Variants in PHYHD1 observed in about 807,000 individuals in gnomAD.
The protein encoded by PHYHD1 is phytanoyl-CoA dioxygenase domain-containing protein 1.
A neutral mutation model predicts 43.6 loss-of-function variants in PHYHD1; 42 were observed. The ratio of observed to expected loss-of-function variants is 0.96; its 90% CI spans 0.75 to 1.25. PHYHD1 has a LOEUF of 1.25. Among genes scored for constraint, PHYHD1 ranks in the 50% most tolerant of loss-of-function variants. The pLI, the probability that PHYHD1 is intolerant of heterozygous loss-of-function variation, is 0.00. For synonymous variants in PHYHD1, 139 were observed against 143.6 expected, an observed-to-expected ratio of 0.97 and a Z score of 0.23; for missense variants, 342 against 370.8, an observed-to-expected ratio of 0.92 and a Z score of 0.64.
chr9:128,927,012 A>G, intron 3 of PHYHD1, 26 bp from the exon 4 acceptor site: 1 of 1,614,082 alleles, frequency 6.2e-7, no homozygotes, highest in Non-Finnish European at 8.5e-7. Context: ...AGACTGGGGA[A>G]GCCTGAGTCT....
At chr9:128,922,438 AC>A in intron 3 of PHYHD1, 82 bp downstream of exon 3, 3 of 1,477,298 alleles carry the variant, frequency 2.0e-6, no homozygotes, top group Non-Finnish European at 2.7e-6. Flanking sequence ...TGCCCAACCC[AC>A]CCCCTGCCCC....
intron 9 of PHYHD1, chr9:128,938,015 A>G (rs1227322640): frequency 2.2e-6 from 3 of 1,375,664 alleles, no homozygotes; most frequent in African/African-American, 1.5e-5. Context: ...TTAAAAATAT[A>G]GATTTCCTAG....
At position 128,942,026 on chromosome 9, in the gene PHYHD1, A is replaced by C. The variant is rs368094255; in HGVS notation, c.*313A>C. On this transcript the variant is annotated 3_prime_UTR_variant, in exon 13 of 13. Transcript: ENST00000372592. ...TGGTGTTAGTTATCGAATAAAAACG[A>C]CTTCAGAATGCAGCTTCCCTACTGA... 1.2e-4 allele frequency: 55 copies of C among 445,940 alleles called. No individual in the cohort carries two copies. Among genetic ancestry groups the C allele is most frequent in the Non-Finnish European group, 1.9e-4 (47 of 247,180 alleles). The allele number at this position is 445,940 out of a possible 1,614,324, so 27.6% of individuals were successfully genotyped here. A position where few individuals can be genotyped will look rare whatever the true frequency, so the allele number is the denominator to read the frequency against.
At chr9:128,922,393 C>A (rs1564537256) in intron 3 of PHYHD1, 37 bp downstream of exon 3, 2 of 1,544,450 alleles carry the variant, frequency 1.3e-6, no homozygotes, top group Admixed American at 4.0e-5. Flanking sequence ...AGGGTCATGG[C>A]GGGGGGGTCC....
chr9:128,941,655 C>T lies in PHYHD1; in HGVS notation c.831-13C>T. The stretch of plus-strand genomic sequence containing the variant: ...CCTGCACCTCAAGGTTGTTTCTCCT[C>T]TATCCTCTGCAGGCTCCAGCCAACA... On this transcript the variant is annotated splice_polypyrimidine_tract_variant and intron_variant, in intron 12 of 12. Transcript: ENST00000372592. 1 of 1,614,188 alleles carries T rather than the reference C, an allele frequency of 6.2e-7. No homozygotes were observed. The highest frequency in any genetic ancestry group is 2.2e-5 in the East Asian group (1 of 44,892).
In PHYHD1 at chr9:128,936,514, G is replaced by A; in HGVS notation, c.372+11G>A. On this transcript the variant is annotated intron_variant, in intron 7 of 12. Transcript: ENST00000372592. ...TCCTTCAAGGTGCAGGTGAGCAGAG[G>A]TGGGGGTGAGGGCCAGGAGGGTGGG... is the stretch of plus-strand genomic sequence containing the variant. The A allele has an allele frequency of 1.9e-6, 3 of 1,613,718 alleles. 1 individual carries two copies. The South Asian group carries it at 3.3e-5, about 18-fold the overall frequency.
Position 128,942,014 on chromosome 9 carries a change from C to T in PHYHD1, c.*301C>T, listed in dbSNP as rs1841577474. ...CTCTGGTTATTATGGTGTTAGTTAT[C>T]GAATAAAAACGACTTCAGAATGCAG... On this transcript the variant is annotated 3_prime_UTR_variant, in exon 13 of 13. Coordinates refer to ENST00000372592, the MANE Select transcript of PHYHD1 (RefSeq NM_001100876.2). 4.3e-6 allele frequency: 2 copies of T among 468,784 alleles called. No individual in the cohort carries two copies. The highest frequency in any genetic ancestry group is 3.5e-5 in the South Asian group (1 of 28,716). The allele number at this position is 468,784 out of a possible 1,614,324, so 29.0% of individuals were successfully genotyped here.
At position 128,927,036 on chromosome 9, in the gene PHYHD1, A is replaced by G. The variant is rs770623057; in HGVS notation, c.34-2A>G. Reference sequence around the variant, plus strand: ...AAGCCTGAGTCTCAAGCCTGCCTGCAGTTCCAACAGGATGGATTCCTGGTG... The same window carrying G: ...AAGCCTGAGTCTCAAGCCTGCCTGCGGTTCCAACAGGATGGATTCCTGGTG... On this transcript the variant is annotated splice_acceptor_variant, in intron 3 of 12. Transcript: ENST00000372592. LOFTEE classifies it high-confidence loss of function. 2 of 1,614,190 alleles carry G rather than the reference A, an allele frequency of 1.2e-6. No homozygotes were observed. Among genetic ancestry groups the G allele is most frequent in the South Asian group, 2.2e-5 (2 of 91,092 alleles).
intron 6 of PHYHD1, among the ~76,000 whole-genome samples, chr9:128,935,741 A>G (rs1031774302): frequency 6.6e-6 from 1 of 152,016 alleles, no homozygotes; most frequent in Non-Finnish European, 1.5e-5. Flanking sequence ...ATTTCTACTA[A>G]AAATACAATA....
intron 4 of PHYHD1, among the ~76,000 whole-genome samples, chr9:128,932,165 TATTGTTATTA>T (rs1841299856): frequency 8.0e-6 from 1 of 125,040 alleles, no homozygotes; most frequent in African/African-American, 3.3e-5. Flanking sequence ...TTATTATTAT[TATTGTTATTA>T]TTATTATTAT....
At chr9:128,935,479 C>T (rs1841400199) in intron 6 of PHYHD1, among the ~76,000 whole-genome samples, 1 of 149,178 alleles carries the variant, frequency 6.7e-6, no homozygotes, top group South Asian at 2.1e-4. Context: ...AAAAAATTAG[C>T]CGGACCTTGT....
chr9:128,930,745 C>T (rs1280546652), intron 4 of PHYHD1, among the ~76,000 whole-genome samples: 3 of 151,986 alleles, frequency 2.0e-5, no homozygotes, highest in Non-Finnish European at 4.4e-5. Flanking sequence ...GTCAGGAGAT[C>T]GAGACCATCC....
chr9:128,940,594 T>C lies in PHYHD1; in HGVS notation c.587-5T>C. On this transcript the variant is annotated splice_region_variant and splice_polypyrimidine_tract_variant and intron_variant, in intron 10 of 12. Transcript: ENST00000372592. ...GAGTTTAAGGCTCTCCATCTTGGCC[T>C]GCAGGTGGTGTGTCAAGAAGGATGG... 6.2e-7 allele frequency: 1 copy of C among 1,614,112 alleles called. No individual in the cohort carries two copies. The highest frequency in any genetic ancestry group is 8.5e-7 in the Non-Finnish European group (1 of 1,179,986).
chr9:128,938,377 CCT>C (rs1439013829), intron 9 of PHYHD1, among the ~76,000 whole-genome samples: 2 of 152,096 alleles, frequency 1.3e-5, no homozygotes, highest in East Asian at 3.9e-4. Context: ...GGCCCTAGTC[CCT>C]GAGATCTTGA....
intron 3 of PHYHD1, among the ~76,000 whole-genome samples, chr9:128,925,221 TTTTC>T (rs1400514583): frequency 5.9e-5 from 9 of 151,702 alleles, no homozygotes; most frequent in Non-Finnish European, 8.8e-5. Context: ...TTTCTTTTCT[TTTTC>T]TTTCTTTTTT....
intron 4 of PHYHD1, among the ~76,000 whole-genome samples, chr9:128,931,561 G>A (rs1841277152): frequency 6.6e-6 from 1 of 151,748 alleles, no homozygotes; most frequent in South Asian, 2.1e-4. Context: ...GTCTCGCTCT[G>A]TCACCCAAGC....
At chr9:128,941,408 G>A in intron 11 of PHYHD1, 37 bp from the exon 12 acceptor site, 3 of 1,607,120 alleles carry the variant, frequency 1.9e-6, no homozygotes, top group Non-Finnish European at 2.5e-6. Flanking sequence ...GGGGATGTGG[G>A]GCTGGTAGGT....
intron 3 of PHYHD1, among the ~76,000 whole-genome samples, chr9:128,925,347 T>C (rs1841108301): frequency 6.6e-6 from 1 of 151,550 alleles, no homozygotes; most frequent in Non-Finnish European, 1.5e-5. Flanking sequence ...TGCCTCAGCC[T>C]CCCGAGTAGC....
chr9:128,934,058 G>A lies in PHYHD1; in HGVS notation c.316G>A (p.Ala106Thr), dbSNP rs762452242. The A allele has an allele frequency of 6.2e-6, 10 of 1,613,396 alleles. No homozygotes were observed. Among genetic ancestry groups the A allele is most frequent in the Non-Finnish European group, 7.6e-6 (9 of 1,179,620 alleles). ...PEKSINKIGH[A>T]LHAHDPVFKS... is the part of the protein sequence containing the mutation. Reference sequence around the variant, plus strand: ...GAAATCCATCAACAAAATTGGCCACGGTGAGCAGGGGCTTGGGGGTACAGG... The same window carrying A: ...GAAATCCATCAACAAAATTGGCCACAGTGAGCAGGGGCTTGGGGGTACAGG... The change falls in exon 6 of 13, where the codon GCT becomes ACT. Residue 106 changes from alanine (A) to threonine (T), a missense_variant and splice_region_variant. Ala to Thr is a moderately conservative substitution (Grantham distance 58, BLOSUM62 0). Coordinates refer to ENST00000372592, the MANE Select transcript of PHYHD1 (RefSeq NM_001100876.2).
Sources: allele counts gnomAD v4.1 joint callset (sites outside exome capture counted in the v4.1 genomes callset), GRCh38; gene constraint gnomAD v4.1.1; transcripts MANE v1.5; gene names NCBI Gene and HGNC (gene_info 2026-07-23, HGNC 2026-07-21).